Variants in ABCC11 observed in about 807,000 individuals in gnomAD.
ABCC11 encodes the protein ATP binding cassette subfamily C member 11, also known as ATP-binding cassette sub-family C member 11.
ABCC11 carries 135 observed loss-of-function variants against 149.3 expected under a neutral mutation model. The observed-to-expected ratio is 0.90, with a 90% confidence interval of 0.79 to 1.04. The LOEUF is 1.04. Ranked by LOEUF, ABCC11 falls within the 50% of genes least tolerant of loss-of-function variation. ABCC11 has a pLI of 0.00. For missense variants in ABCC11, 1,680 were observed against 1,722.1 expected, an observed-to-expected ratio of 0.98 and a Z score of 0.43; for synonymous variants, 665 against 671.4, an observed-to-expected ratio of 0.99 and a Z score of 0.15.
At chr16:48,216,022 G>A in intron 7 of ABCC11, 92 bp downstream of exon 7, 1 of 1,353,094 alleles carries the variant, frequency 7.4e-7, no homozygotes, top group Non-Finnish European at 1.0e-6. Flanking sequence ...AGGTCAACAA[G>A]AATCAATGTT....
rs1052695321 is a variant in ABCC11, at chr16:48,208,564, G to A, written c.1609-68C>T. 36 of 1,560,128 alleles carry A rather than the reference G, an allele frequency of 2.3e-5. 1 individual carries two copies. The South Asian group carries it at 2.4e-4, about 10-fold the overall frequency. On this transcript the variant is annotated intron_variant, in intron 11 of 29. Coordinates refer to ENST00000356608, the MANE Select transcript of ABCC11 (RefSeq NM_001370497.1). ...CCTGGCATACCCACCTGCCCATGGC[G>A]GCTCAACTGTTTAGAACCCAAAACA...
In ABCC11 at chr16:48,222,603, C is replaced by T. The variant is rs373903848; in HGVS notation, c.772G>A (p.Gly258Arg). The change falls in exon 6 of 30, where the codon GGA becomes AGA. Residue 258 changes from glycine to arginine, a missense_variant. Transcript: ENST00000356608. Reference protein sequence around the residue: ...QFKSVIHITSGEAISFFTGDV... With the variant: ...QFKSVIHITSREAISFFTGDV... ...AGGCAGTCCCAGCTGCTTACCTCTC[C>T]TGAGGTGATGTGTATTACAGACTTA... The T allele has an allele frequency of 6.2e-6, 10 of 1,613,570 alleles. No homozygotes were observed. The highest frequency in any genetic ancestry group is 5.0e-5 in the Admixed American group (3 of 60,000).
In ABCC11 at chr16:48,170,973, A is replaced by C; in HGVS notation, c.3699-6T>G. On this transcript the variant is annotated splice_polypyrimidine_tract_variant and splice_region_variant and intron_variant, in intron 26 of 29. Transcript: ENST00000356608. Reference sequence around the variant, plus strand: ...CAAAGGGATCTAGGTTGAATCTACCATATGAGAGAAAGAGAAGTGTTCAAC... The same window carrying C: ...CAAAGGGATCTAGGTTGAATCTACCCTATGAGAGAAAGAGAAGTGTTCAAC... The C allele has an allele frequency of 6.2e-7, 1 of 1,605,768 alleles. No homozygotes were observed. The highest frequency in any genetic ancestry group is 8.5e-7 in the Non-Finnish European group (1 of 1,172,358).
intron 9 of ABCC11, 107 bp downstream of exon 9, chr16:48,214,774 T>C: frequency 2.9e-6 from 4 of 1,395,562 alleles, no homozygotes; most frequent in Non-Finnish European, 4.0e-6. Context: ...CAACATATAA[T>C]GTCCATTTAC....
intron 1 of ABCC11, 68 bp from the exon 2 acceptor site, chr16:48,232,007 G>A (rs764444161): frequency 3.1e-6 from 5 of 1,597,014 alleles, no homozygotes; most frequent in Non-Finnish European, 4.3e-6. Context: ...ATCTCGCCTT[G>A]AGCAGCCAGA....
At position 48,170,149 on chromosome 16, in the gene ABCC11, T is replaced by C. The variant is rs773530936; in HGVS notation, c.3847A>G (p.Arg1283Gly). ...GCCCTGGCAATGCAGAGCAGCTGCC[T>C]CTCCCCCACAGAGAAGTTTCCACCG... is the stretch of plus-strand genomic sequence containing the variant. ...ENGGNFSVGE[R>G]QLLCIARAVL... Residue 1283 changes from arginine to glycine, a missense_variant, in exon 28 of 30, where the codon AGG (arginine) becomes GGG (glycine). Transcript: ENST00000356608. 4.3e-6 allele frequency: 7 copies of C among 1,614,094 alleles called. No individual in the cohort carries two copies. The highest frequency in any genetic ancestry group is 1.6e-4 in the Middle Eastern group (1 of 6,062).
chr16:48,246,454 T>A (rs1971392428), intron 1 of ABCC11, among the ~76,000 whole-genome samples: 1 of 152,262 alleles, frequency 6.6e-6, no homozygotes, highest in African/African-American at 2.4e-5. Context: ...CTACTGTGCA[T>A]ATGTATTGAT....
At chr16:48,169,819 G>A (rs936158869) in intron 28 of ABCC11, among the ~76,000 whole-genome samples, 1 of 151,664 alleles carries the variant, frequency 6.6e-6, no homozygotes, top group African/African-American at 2.4e-5. Context: ...TAATGTAAAT[G>A]ACGAGTTAAC....
rs370254250 is a variant in ABCC11, at chr16:48,207,837, G to T, written c.1680+588C>A. 2.3e-4 allele frequency among the ~76,000 whole-genome samples: 34 copies of T among 150,076 alleles called. 1 individual carries two copies. Among genetic ancestry groups the T allele is most frequent in the African/African-American group, 8.0e-4 (33 of 41,436 alleles). On this transcript the variant is annotated intron_variant, in intron 12 of 29. Transcript: ENST00000356608. ...GGGGGGTTCAAATCTCAAGGGCAAG[G>T]GCACCCAGCAGGCATAGGTACCCCA...
intron 10 of ABCC11, among the ~76,000 whole-genome samples, chr16:48,211,608 G>T (rs1325170091): frequency 1.3e-5 from 2 of 152,064 alleles, no homozygotes; most frequent in African/African-American, 4.8e-5. Flanking sequence ...ACTTTGGGAG[G>T]CCAAGTCGGG....
chr16:48,227,262 T>G (rs1265882964), intron 4 of ABCC11, among the ~76,000 whole-genome samples: 1 of 152,004 alleles, frequency 6.6e-6, no homozygotes, highest in Non-Finnish European at 1.5e-5. Context: ...TCACCTGAGG[T>G]CAGGAGTTCA....
chr16:48,177,337 C>T (rs907502419), intron 24 of ABCC11, among the ~76,000 whole-genome samples: 1 of 152,182 alleles, frequency 6.6e-6, no homozygotes, highest in Non-Finnish European at 1.5e-5. Flanking sequence ...ATAGCTAATT[C>T]CCTTGTTATT....
intron 12 of ABCC11, among the ~76,000 whole-genome samples, chr16:48,206,122 C>T (rs1023256499): frequency 2.0e-5 from 3 of 152,126 alleles, no homozygotes; most frequent in Admixed American, 2.0e-4. Flanking sequence ...TGTCCCAGCC[C>T]CATTCCCTGG....
At chr16:48,208,342 G>T in intron 12 of ABCC11, 83 bp downstream of exon 12, 1 of 1,500,934 alleles carries the variant, frequency 6.7e-7, no homozygotes. Flanking sequence ...AGAAAGCAGT[G>T]GGGGGCCCCG....
Position 48,198,219 on chromosome 16 carries a change from A to G in ABCC11, c.2139T>C (p.Asn713=). 6.2e-7 allele frequency: 1 copy of G among 1,614,144 alleles called. No individual in the cohort carries two copies. Among genetic ancestry groups the G allele is most frequent in the Non-Finnish European group, 8.5e-7 (1 of 1,180,022 alleles). ...TCTGCATTAACTCACTGTGAGTTCCATTTTCACAGATTTTCCCATTTTCCA... is the reference window on the plus strand; with the variant it reads ...TCTGCATTAACTCACTGTGAGTTCCGTTTTCACAGATTTTCCCATTTTCCA... The part of the protein sequence containing the change: ...ILLENGKICE[N]GTHSELMQKK... The change falls in exon 16 of 30, where the codon AAT becomes AAC. Residue 713 remains asparagine, a synonymous_variant. Coordinates refer to ENST00000356608, the MANE Select transcript of ABCC11 (RefSeq NM_001370497.1).
intron 1 of ABCC11, among the ~76,000 whole-genome samples, chr16:48,234,607 CT>C (rs1262409705): frequency 6.6e-6 from 1 of 152,182 alleles, no homozygotes; most frequent in Non-Finnish European, 1.5e-5. Context: ...GCTTTCTTGG[CT>C]TCCCTGTGGT....
At chr16:48,221,706 T>A (rs1445961824) in intron 6 of ABCC11, among the ~76,000 whole-genome samples, 1 of 152,062 alleles carries the variant, frequency 6.6e-6, no homozygotes, top group Non-Finnish European at 1.5e-5. Context: ...GAACATAATC[T>A]GGCTCAGAAT....
chr16:48,207,920 C>T (rs1449693314), intron 12 of ABCC11, among the ~76,000 whole-genome samples: 1 of 152,102 alleles, frequency 6.6e-6, no homozygotes, highest in Non-Finnish European at 1.5e-5. Context: ...TCTCCCCAGC[C>T]TTCCTTCCTT....
At chr16:48,234,339 T>C (rs1970578935) in intron 1 of ABCC11, among the ~76,000 whole-genome samples, 1 of 152,222 alleles carries the variant, frequency 6.6e-6, no homozygotes, top group Non-Finnish European at 1.5e-5. Flanking sequence ...ATCTTTGTTT[T>C]TGATGTAATT....
Sources: allele counts gnomAD v4.1 joint callset (sites outside exome capture counted in the v4.1 genomes callset), GRCh38; gene constraint gnomAD v4.1.1; transcripts MANE v1.5; gene names NCBI Gene and HGNC (gene_info 2026-07-23, HGNC 2026-07-21).